The following SCN11A variants were observed in gnomAD, a reference collection of about 807,000 sequenced individuals.
SCN11A encodes sodium voltage-gated channel alpha subunit 11.
A neutral mutation model predicts 162.2 loss-of-function variants in SCN11A; 122 were observed. That is an observed-to-expected ratio of 0.75 (90% CI 0.65 to 0.87). SCN11A has a LOEUF of 0.87. SCN11A is among the 40% of genes least tolerant of loss of function. The pLI is 0.00. For synonymous variants in SCN11A, 758 were observed against 751.5 expected, an observed-to-expected ratio of 1.01 and a Z score of -0.14; for missense variants, 2,015 against 2,181.6, an observed-to-expected ratio of 0.92 and a Z score of 1.52.
chr3:38,923,189 C>T (rs2125550412), intron 9 of SCN11A, among the ~76,000 whole-genome samples: 1 of 152,258 alleles, frequency 6.6e-6, no homozygotes, highest in African/African-American at 2.4e-5. Flanking sequence ...GTGGCTGCTG[C>T]TCATCTCCTT....
chr3:39,050,680 T>A (rs2032322311), intron 1 of SCN11A, among the ~76,000 whole-genome samples: 1 of 152,228 alleles, frequency 6.6e-6, no homozygotes, highest in Admixed American at 6.5e-5. Context: ...ACATATGTAA[T>A]TTTAAATATT....
chr3:38,880,162 T>C (rs745773589), intron 22 of SCN11A, 39 bp from the exon 23 acceptor site: 6 of 1,479,336 alleles, frequency 4.1e-6, no homozygotes, highest in Middle Eastern at 1.9e-4. Context: ...AGGTTGAATA[T>C]TTGCAAAGAA....
In SCN11A at chr3:38,931,919, G is replaced by A. The variant is rs567060939; in HGVS notation, c.489-4988C>T. Reference sequence around the variant, plus strand: ...TTCTTATATTTGCCTGAACCTGAGTGGGTCTCTTTGAATTACTAGAGGATC... The same window carrying A: ...TTCTTATATTTGCCTGAACCTGAGTAGGTCTCTTTGAATTACTAGAGGATC... On this transcript the variant is annotated intron_variant, in intron 7 of 29. Transcript: ENST00000302328. 2.0e-5 allele frequency among the ~76,000 whole-genome samples: 3 copies of A among 152,284 alleles called. No individual in the cohort carries two copies. The East Asian group carries it at 5.8e-4, about 29-fold the overall frequency.
At chr3:39,037,661 G>A (rs1410666443) in intron 1 of SCN11A, among the ~76,000 whole-genome samples, 5 of 152,054 alleles carry the variant, frequency 3.3e-5, no homozygotes, top group Non-Finnish European at 4.4e-5. Context: ...CTGTACAGGA[G>A]GATGTGCTTA....
chr3:38,964,268 T>C (rs2066767409), intron 2 of SCN11A, among the ~76,000 whole-genome samples: 1 of 152,142 alleles, frequency 6.6e-6, no homozygotes, highest in African/African-American at 2.4e-5. Context: ...TGCCGTCTGA[T>C]GAGGAGTCTG....
intron 17 of SCN11A, among the ~76,000 whole-genome samples, chr3:38,898,527 A>G (rs1473940876): frequency 6.6e-6 from 1 of 152,226 alleles, no homozygotes; most frequent in African/African-American, 2.4e-5. Context: ...CCTCATAAGA[A>G]TGATTAGAGT....
intron 23 of SCN11A, among the ~76,000 whole-genome samples, chr3:38,874,654 C>A (rs182729510): frequency 2.0e-5 from 3 of 152,304 alleles, no homozygotes; most frequent in East Asian, 3.9e-4. Flanking sequence ...TCTGTGCTAA[C>A]TGGTGATAGA....
At chr3:38,954,834 C>T (rs888626529) in intron 3 of SCN11A, among the ~76,000 whole-genome samples, 10 of 147,520 alleles carry the variant, frequency 6.8e-5, no homozygotes, top group African/African-American at 2.5e-4. Context: ...ACTAAAAATA[C>T]AAAAATTGGC....
Position 38,909,177 on chromosome 3 carries a change from C to T in SCN11A, c.1119G>A (p.Gly373=), listed in dbSNP as rs1433613688. The part of the protein sequence containing the change: ...KLYQQTLRTT[G]LYSVFFFIVV... ...CAATGAAGAAGAAGACTGAGTAGAG[C>T]CCAGTAGTACGCAGGGTCTGCAAAG... The change falls in exon 13 of 30, where the codon GGG becomes GGA. Residue 373 remains glycine, a synonymous_variant. Transcript: ENST00000302328. 3.7e-6 allele frequency: 6 copies of T among 1,613,864 alleles called. No individual in the cohort carries two copies. The highest frequency in any genetic ancestry group is 4.2e-6 in the Non-Finnish European group (5 of 1,179,928).
Position 38,906,838 on chromosome 3 carries a change from G to A in SCN11A, c.1473+1111C>T, listed in dbSNP as rs548590729. 8.4e-4 allele frequency among the ~76,000 whole-genome samples: 127 copies of A among 151,922 alleles called. 1 individual carries two copies. The highest frequency in any genetic ancestry group is 2.7e-3 in the African/African-American group (112 of 41,440). ...GGGTAAACTCTCTAGCTTTGTTTTCGAGGTCTTTTGTGATCCCCCAACTGA... is the reference window on the plus strand; with the variant it reads ...GGGTAAACTCTCTAGCTTTGTTTTCAAGGTCTTTTGTGATCCCCCAACTGA... On this transcript the variant is annotated intron_variant, in intron 14 of 29. Transcript: ENST00000302328.
chr3:38,852,022 G>A (rs1036169603), intron 28 of SCN11A, among the ~76,000 whole-genome samples: 6 of 152,204 alleles, frequency 3.9e-5, no homozygotes, highest in Admixed American at 2.6e-4. Flanking sequence ...AGCAGGTTGA[G>A]TTGAGGTGCC....
intron 3 of SCN11A, among the ~76,000 whole-genome samples, chr3:38,954,103 T>G (rs930081196): frequency 1.3e-5 from 2 of 152,208 alleles, no homozygotes; most frequent in Non-Finnish European, 1.5e-5. Flanking sequence ...ATATGTCAGC[T>G]GAAACTGAAT....
intron 7 of SCN11A, among the ~76,000 whole-genome samples, chr3:38,940,556 T>C (rs1018367064): frequency 6.6e-6 from 1 of 152,148 alleles, no homozygotes; most frequent in African/African-American, 2.4e-5. Flanking sequence ...CATCAGAGGA[T>C]AAGAGGTGGA....
chr3:38,972,229 G>A (rs946741938), intron 2 of SCN11A, among the ~76,000 whole-genome samples: 4 of 152,176 alleles, frequency 2.6e-5, no homozygotes, highest in Non-Finnish European at 4.4e-5. Context: ...GGGAGCCTTG[G>A]AAGCCCCCTT....
At chr3:39,048,373 GGAGAGGATTATATATA>G (rs978746846) in intron 1 of SCN11A, among the ~76,000 whole-genome samples, 2 of 152,146 alleles carry the variant, frequency 1.3e-5, no homozygotes, top group African/African-American at 4.8e-5. Context: ...GAAGGGTAAA[GGAGAGGATTATATATA>G]GAGAGGTTGG....
chr3:39,011,755 G>A (rs563868606), intron 2 of SCN11A, among the ~76,000 whole-genome samples: 4 of 152,192 alleles, frequency 2.6e-5, no homozygotes, highest in African/African-American at 4.8e-5. Context: ...GGTTGGGGGC[G>A]GCGGGTTCCT....
intron 3 of SCN11A, among the ~76,000 whole-genome samples, chr3:38,955,946 C>T (rs1201549599): frequency 1.3e-5 from 2 of 152,150 alleles, no homozygotes; most frequent in Non-Finnish European, 2.9e-5. Flanking sequence ...TGTAACAAAC[C>T]TGCACGTTCG....
chr3:38,897,282 A>G, intron 17 of SCN11A, 57 bp from the exon 18 acceptor site: 1 of 1,516,256 alleles, frequency 6.6e-7, no homozygotes, highest in South Asian at 1.3e-5. Context: ...GACAAACTCC[A>G]TCTGCTCATC....
chr3:38,903,617 T>A (rs578152521), intron 16 of SCN11A, among the ~76,000 whole-genome samples: 3 of 152,300 alleles, frequency 2.0e-5, no homozygotes, highest in African/African-American at 7.2e-5. Context: ...TGTCTGCTTG[T>A]ATCTGGCTTA....
Sources: gnomAD v4.1 joint callset for allele counts (sites outside exome capture counted in the v4.1 genomes callset) on GRCh38, gnomAD v4.1.1 for gene constraint, MANE v1.5 for transcripts, NCBI Gene and HGNC (gene_info 2026-07-23, HGNC 2026-07-21) for gene names.